The following DDX51 variants were observed in gnomAD, a reference collection of about 807,000 sequenced individuals.
The protein encoded by DDX51 is DEAD-box helicase 51.
Under a neutral mutation model 74.6 loss-of-function variants are expected in DDX51, and 67 were observed. The ratio of observed to expected loss-of-function variants is 0.90; its 90% confidence interval spans 0.74 to 1.10. The LOEUF (loss-of-function observed/expected upper bound fraction) is 1.10. DDX51 is among the 50% of genes least tolerant of loss of function. DDX51 has a pLI of 0.00. For missense variants in DDX51, 1,056 were observed against 905.2 expected (o/e 1.17, Z -2.14); for synonymous variants, 545 against 402.9 (o/e 1.35, Z -4.22).
Position 132,144,282 on chromosome 12 carries a change from G to A in DDX51, c.15C>T (p.Tyr5=), listed in dbSNP as rs1565956714. The A allele has an allele frequency of 3.8e-6, 5 of 1,309,446 alleles. No homozygotes were observed. Among genetic ancestry groups the A allele is most frequent in the Non-Finnish European group, 4.8e-6 (5 of 1,031,554 alleles). The allele number at this position is 1,309,446 out of a possible 1,614,324, so 81.1% of individuals were successfully genotyped here. ...CATCGGGGCCCGGGTACCGCGCGAC[G>A]TAGAACAGCGCCATGGCCAGCCGCA... The part of the protein sequence containing the change: MALF[Y]VARYPGPDAA... The change falls in exon 1 of 15, where the codon TAC becomes TAT. Residue 5 remains tyrosine, a synonymous_variant. Transcript: ENST00000397333.
intron 2 of DDX51, 115 bp downstream of exon 2, chr12:132,143,580 C>A (rs937754715): frequency 9.5e-5 from 129 of 1,355,998 alleles, no homozygotes; most frequent in Non-Finnish European, 1.3e-4. Flanking sequence ...CAGCGAGGCG[C>A]GGCTGTGACC....
Position 132,142,833 on chromosome 12 carries a change from T to C in DDX51, c.565A>G (p.Arg189Gly). ...PRWLAEPNCV[R>G]RNVTEDLVPI... is the part of the protein sequence containing the mutation. Reference sequence around the variant, plus strand: ...ACCAGGTCTTCGGTGACATTCCTTCTGACACAGTTAGGCTCAGCCAGCCAC... The same window carrying C: ...ACCAGGTCTTCGGTGACATTCCTTCCGACACAGTTAGGCTCAGCCAGCCAC... Residue 189 changes from arginine to glycine, a missense_variant, in exon 3 of 15, where the codon AGA becomes GGA. Arg to Gly is a moderately radical substitution (Grantham distance 125). Coordinates refer to ENST00000397333, the MANE Select transcript of DDX51 (RefSeq NM_175066.4). 1 of 1,612,982 alleles carries C rather than the reference T, an allele frequency of 6.2e-7. No individual in the cohort carries two copies. The highest frequency in any genetic ancestry group is 1.1e-5 in the South Asian group (1 of 91,082).
In DDX51 at chr12:132,137,757, C is replaced by G. The variant is rs1447215969; in HGVS notation, c.*1515G>C. 1 of 152,198 alleles carries G rather than the reference C, an allele frequency of 6.6e-6. No individual in the cohort carries two copies. The highest frequency in any genetic ancestry group is 1.9e-4 in the East Asian group (1 of 5,194). 9.4% of individuals were successfully genotyped at this position (152,198 alleles called of 1,614,324 possible). A position where few individuals can be genotyped will look rare whatever the true frequency, so the allele number is the denominator to read the frequency against. On this transcript the variant is annotated 3_prime_UTR_variant, in exon 15 of 15. Transcript: ENST00000397333. ...GACTGAGAGAATTCACACACTGTAT[C>G]CACCCAGTCCATGGTTTTTAGTAAA...
intron 3 of DDX51, 70 bp from the exon 4 acceptor site, chr12:132,142,492 G>A (rs1253277691): frequency 7.0e-6 from 11 of 1,567,680 alleles, no homozygotes; most frequent in South Asian, 1.2e-5. Context: ...CCCTGCCTGT[G>A]ACCTCTGGGC....
chr12:132,140,996 C>T lies in DDX51; in HGVS notation c.1275G>A (p.Leu425=). Reference sequence around the variant, plus strand: ...GAGTAGCTGAGAAGAGCAGCTTCTGCAGGGGCATCTGGGGACAGCAGGTGC... The same window carrying T: ...GAGTAGCTGAGAAGAGCAGCTTCTGTAGGGGCATCTGGGGACAGCAGGTGC... ...AASTCCPQMP[L]QKLLFSATLT... Residue 425 remains leucine (L), a synonymous_variant, in exon 9 of 15, where the codon CTG becomes CTA. Coordinates refer to ENST00000397333, the MANE Select transcript of DDX51 (RefSeq NM_175066.4). The T allele has an allele frequency of 5.0e-6, 8 of 1,603,280 alleles. No individual in the cohort carries two copies. Among genetic ancestry groups the T allele is most frequent in the Non-Finnish European group, 6.8e-6 (8 of 1,176,356 alleles).
chr12:132,141,329 G>A lies in DDX51; in HGVS notation c.1196C>T (p.Ala399Val), dbSNP rs1218884231. ...TCGCTGGAGCAGGGCACAGGGGTCC[G>A]CGGGGTCCTCGCTCTGGAAGGCGGC... ...VAAAFQSEDP[A>V]DPCALLQRRQ... Residue 399 changes from alanine to valine, a missense_variant, in exon 8 of 15, where the codon GCG becomes GTG. Ala to Val is a moderately conservative substitution (Grantham distance 64). Coordinates refer to ENST00000397333, the MANE Select transcript of DDX51 (RefSeq NM_175066.4). 46 of 1,598,712 alleles carry A rather than the reference G, an allele frequency of 2.9e-5. No individual in the cohort carries two copies. The highest frequency in any genetic ancestry group is 6.6e-5 in the South Asian group (6 of 91,018).
In DDX51 at chr12:132,140,202, G is replaced by A. The variant is rs770226978; in HGVS notation, c.1674-3C>T. The A allele has an allele frequency of 3.1e-6, 5 of 1,611,254 alleles. No homozygotes were observed. The highest frequency in any genetic ancestry group is 4.2e-6 in the Non-Finnish European group (5 of 1,179,096). On this transcript the variant is annotated splice_region_variant and splice_polypyrimidine_tract_variant and intron_variant, in intron 11 of 14. Coordinates refer to ENST00000397333, the MANE Select transcript of DDX51 (RefSeq NM_175066.4). ...CGGTGGCGTCCGTGCTGATGAGCCT[G>A]CCGGGACACGCAGCATTGTGGGCCC... is the stretch of plus-strand genomic sequence containing the variant.
At position 132,143,663 on chromosome 12, in the gene DDX51, C is replaced by A. The variant is rs1001199394; in HGVS notation, c.519+32G>T. On this transcript the variant is annotated intron_variant, in intron 2 of 14. Coordinates refer to ENST00000397333, the MANE Select transcript of DDX51 (RefSeq NM_175066.4). ...AGAATCCGCGCAGCCTACCCTCTCACGCCGACCACCCTCCCGCCCGCCGAG... is the reference window on the plus strand; with the variant it reads ...AGAATCCGCGCAGCCTACCCTCTCAAGCCGACCACCCTCCCGCCCGCCGAG... The A allele has an allele frequency of 7.2e-6, 11 of 1,535,386 alleles. No individual in the cohort carries two copies. In the East Asian group the frequency reaches 2.5e-4, roughly 35 times the overall value.
chr12:132,142,295 G>A lies in DDX51; in HGVS notation c.798C>T (p.Phe266=), dbSNP rs144660807. The A allele has an allele frequency of 2.9e-4, 470 of 1,613,098 alleles. No homozygotes were observed. The African/African-American group carries it at 3.7e-3, about 13-fold the overall frequency. The change falls in exon 4 of 15, where the codon TTC becomes TTT. Residue 266 remains phenylalanine (F), a synonymous_variant. Transcript: ENST00000397333. ...CACAGACCTGCACCACAGGGATGAC[G>A]AAGGCCAGTGTCTTCCCACTGCCTG... The part of the protein sequence containing the change: ...APTGSGKTLA[F]VIPVVQALLS...
In DDX51 at chr12:132,141,594, G is replaced by A; in HGVS notation, c.1008C>T (p.Tyr336=). Reference sequence around the variant, plus strand: ...CTACCACGATGTCAGCCAAGCAGCGGTACCCATCAGCTCTACAGACCAGAG... The same window carrying A: ...CTACCACGATGTCAGCCAAGCAGCGATACCCATCAGCTCTACAGACCAGAG... ...ESLVQKTADG[Y]RCLADIVVAT... Residue 336 remains tyrosine, a synonymous_variant, in exon 7 of 15, where the codon TAC becomes TAT. Coordinates refer to ENST00000397333, the MANE Select transcript of DDX51 (RefSeq NM_175066.4). 12 of 1,596,240 alleles carry A rather than the reference G, an allele frequency of 7.5e-6. No individual in the cohort carries two copies. Among genetic ancestry groups the A allele is most frequent in the African/African-American group, 2.7e-5 (2 of 74,578 alleles).
In DDX51 at chr12:132,140,188, G is replaced by A. The variant is rs375884335; in HGVS notation, c.1685C>T (p.Thr562Met). The change falls in exon 12 of 15, where the codon ACG (threonine) becomes ATG (methionine). Residue 562 changes from threonine (T) to methionine (M), a missense_variant. Transcript: ENST00000397333. ...EQGKIQLLIS[T>M]DATARGIDVQ... is the part of the protein sequence containing the mutation. ...GTCGATGCCTCGCGCGGTGGCGTCC[G>A]TGCTGATGAGCCTGCCGGGACACGC... 10 of 1,612,296 alleles carry A rather than the reference G, an allele frequency of 6.2e-6. No homozygotes were observed. The highest frequency in any genetic ancestry group is 3.3e-5 in the South Asian group (3 of 91,036).
At chr12:132,143,012 C>G in intron 2 of DDX51, 134 bp from the exon 3 acceptor site, 7 of 1,184,248 alleles carry the variant, frequency 5.9e-6, no homozygotes, top group African/African-American at 1.5e-5. Context: ...CCCCAGGATG[C>G]GCTTTCCATA....
Position 132,144,255 on chromosome 12 carries a change from C to G in DDX51, c.42G>C (p.Ala14=), listed in dbSNP as rs1897610347. The change falls in exon 1 of 15, where the codon GCG becomes GCC. Residue 14 remains alanine (A), a synonymous_variant. Transcript: ENST00000397333. ...FYVARYPGPD[A]AAAAGPEGAE... The stretch of plus-strand genomic sequence containing the variant: ...CGCCCTCCGGCCCCGCCGCAGCTGC[C>G]GCATCGGGGCCCGGGTACCGCGCGA... 1.6e-6 allele frequency: 2 copies of G among 1,239,324 alleles called. No homozygotes were observed. Among genetic ancestry groups the G allele is most frequent in the Non-Finnish European group, 2.0e-6 (2 of 992,108 alleles). 76.8% of individuals were successfully genotyped at this position (1,239,324 alleles called of 1,614,324 possible).
chr12:132,139,824 C>A (rs759688588), intron 13 of DDX51, 37 bp downstream of exon 13: 45 of 1,612,680 alleles, frequency 2.8e-5, no homozygotes, highest in Non-Finnish European at 3.8e-5. Flanking sequence ...TTAACACCCA[C>A]CAACAGCAGA....
Position 132,141,613 on chromosome 12 carries a change from A to C in DDX51, c.996-7T>G, listed in dbSNP as rs1283069871. 1.3e-6 allele frequency: 2 copies of C among 1,566,322 alleles called. No homozygotes were observed. Among genetic ancestry groups the C allele is most frequent in the Non-Finnish European group, 1.7e-6 (2 of 1,159,416 alleles). On this transcript the variant is annotated splice_region_variant and splice_polypyrimidine_tract_variant and intron_variant, in intron 6 of 14. Coordinates refer to ENST00000397333, the MANE Select transcript of DDX51 (RefSeq NM_175066.4). ...GCAGCGGTACCCATCAGCTCTACAG[A>C]CCAGAGAGCAGCTCGAGAGAAGGAA... is the stretch of plus-strand genomic sequence containing the variant.
rs1478689797 is a variant in DDX51 at position 132,142,710 on chromosome 12, T to A, written c.670+18A>T. 4 of 1,611,524 alleles carry A rather than the reference T, an allele frequency of 2.5e-6. No individual in the cohort carries two copies. In the Admixed American group the frequency reaches 5.0e-5, roughly 20 times the overall value. On this transcript the variant is annotated intron_variant, in intron 3 of 14. Coordinates refer to ENST00000397333, the MANE Select transcript of DDX51 (RefSeq NM_175066.4). Reference sequence around the variant, plus strand: ...CCAGGGAGGTGTTCCCTCAGCTGCCTGCCCGGGGCTGGGGCACCTGGAAAG... The same window carrying A: ...CCAGGGAGGTGTTCCCTCAGCTGCCAGCCCGGGGCTGGGGCACCTGGAAAG...
intron 3 of DDX51, 67 bp downstream of exon 3, chr12:132,142,661 A>T: frequency 6.3e-7 from 1 of 1,587,710 alleles, no homozygotes; most frequent in African/African-American, 1.3e-5. Flanking sequence ...ACCCACGGCC[A>T]CTCACAGCCT....
At position 132,137,280 on chromosome 12, in the gene DDX51, A is replaced by AGGAGACACCCCCCGCACTCCTGT. The variant is rs1565951654; in HGVS notation, c.*1969_*1991dup. The AGGAGACACCCCCCGCACTCCTGT allele has an allele frequency of 1.3e-5, 2 of 152,190 alleles. No homozygotes were observed. Among genetic ancestry groups the AGGAGACACCCCCCGCACTCCTGT allele is most frequent in the African/African-American group, 4.8e-5 (2 of 41,448 alleles). 9.4% of individuals were successfully genotyped at this position (152,190 alleles called of 1,614,324 possible). A position where few individuals can be genotyped will look rare whatever the true frequency, so the allele number is the denominator to read the frequency against. On this transcript the variant is annotated 3_prime_UTR_variant, in exon 15 of 15. Transcript: ENST00000397333. The stretch of plus-strand genomic sequence containing the variant: ...GAAGTGTGAAGTTTGGTGATCACCC[A>AGGAGACACCCCCCGCACTCCTGT]GGAGACACCCCCCGCACTCCTGTGC...
intron 13 of DDX51, 40 bp downstream of exon 13, chr12:132,139,821 C>A (rs568996389): frequency 6.2e-7 from 1 of 1,612,726 alleles, no homozygotes. Context: ...CCCTTAACAC[C>A]CACCAACAGC....
Sources: gnomAD v4.1 joint callset for allele counts on GRCh38, gnomAD v4.1.1 for gene constraint, MANE v1.5 for transcripts, NCBI Gene and HGNC (gene_info 2026-07-23, HGNC 2026-07-21) for gene names.